RNGTT: variants seen among roughly 807,000 people sequenced by gnomAD.
The protein encoded by RNGTT is RNA guanylyltransferase and 5'-phosphatase.
Under a neutral mutation model 79.3 loss-of-function variants are expected in RNGTT, and 33 were observed. That is an observed-to-expected ratio of 0.42 (90% CI 0.32 to 0.56). The LOEUF is 0.56. Ranked by LOEUF, RNGTT falls within the 20% of genes least tolerant of loss-of-function variation. The probability of loss-of-function intolerance (pLI) is 0.17; values close to 1 mark genes in which losing one functional copy is unlikely to be tolerated. For synonymous variants in RNGTT, 222 were observed against 235.9 expected (o/e 0.94, Z 0.54); for missense variants, 497 against 739.1 (o/e 0.67, Z 3.80).
intron 4 of RNGTT, among the ~76,000 whole-genome samples, chr6:88,923,396 G>A (rs1784221970): frequency 6.6e-6 from 1 of 152,112 alleles, no homozygotes; most frequent in Non-Finnish European, 1.5e-5. Flanking sequence ...AGGATCTTGA[G>A]AAATACCACC....
intron 6 of RNGTT, among the ~76,000 whole-genome samples, chr6:88,902,891 T>C (rs1166442353): frequency 6.6e-6 from 1 of 151,832 alleles, no homozygotes; most frequent in Admixed American, 6.6e-5. Flanking sequence ...GAGACGGGGT[T>C]TCACATGTTA....
intron 4 of RNGTT, among the ~76,000 whole-genome samples, chr6:88,913,714 A>G (rs1783909172): frequency 6.6e-6 from 1 of 152,178 alleles, no homozygotes; most frequent in African/African-American, 2.4e-5. Context: ...ACCTCAAAAT[A>G]ATAAGAACCA....
chr6:88,817,087 A>G (rs1780335933), intron 11 of RNGTT, among the ~76,000 whole-genome samples: 1 of 152,148 alleles, frequency 6.6e-6, no homozygotes, highest in African/African-American at 2.4e-5. Flanking sequence ...CTGAAGAACA[A>G]CGGTGGCACC....
chr6:88,779,096 A>G (rs367950873), intron 12 of RNGTT, among the ~76,000 whole-genome samples: 5 of 113,530 alleles, frequency 4.4e-5, no homozygotes, highest in African/African-American at 1.6e-4. Context: ...ATTTGACAGA[A>G]AAGTCACAGG....
chr6:88,666,741 G>A (rs777496356), intron 14 of RNGTT, among the ~76,000 whole-genome samples: 2 of 152,210 alleles, frequency 1.3e-5, no homozygotes, highest in Non-Finnish European at 2.9e-5. Flanking sequence ...CACAGAGAGA[G>A]ATGTCCGCTG....
rs1407364551 is a variant in RNGTT, at chr6:88,616,468, GCAAGGGTTC to G, written c.1507-2082_1507-2074del. On this transcript the variant is annotated intron_variant, in intron 14 of 15. Transcript: ENST00000369485. ...CAATTTACATTCTCACTAACAGTAT[GCAAGGGTTC>G]CAATGTCACATCCTTAACACCTGTT... 4.6e-5 allele frequency among the ~76,000 whole-genome samples: 7 copies of G among 152,058 alleles called. No homozygotes were observed. The East Asian group carries it at 1.2e-3, about 25-fold the overall frequency.
At chr6:88,958,971 C>T (rs1168266391) in intron 1 of RNGTT, among the ~76,000 whole-genome samples, 1 of 152,108 alleles carries the variant, frequency 6.6e-6, no homozygotes, top group Non-Finnish European at 1.5e-5. Flanking sequence ...GCCCAAGAAC[C>T]AATGAGTGGA....
At chr6:88,907,044 T>C (rs887381869) in intron 4 of RNGTT, among the ~76,000 whole-genome samples, 4 of 152,232 alleles carry the variant, frequency 2.6e-5, no homozygotes, top group African/African-American at 7.2e-5. Context: ...TTAAGTTACC[T>C]TGAAGCTCTC....
chr6:88,663,125 T>C (rs914774212), intron 14 of RNGTT, among the ~76,000 whole-genome samples: 1 of 152,208 alleles, frequency 6.6e-6, no homozygotes, highest in African/African-American at 2.4e-5. Context: ...GAGTGACCTT[T>C]TGCCCCTTTT....
At chr6:88,867,960 C>T (rs1782228080) in intron 8 of RNGTT, among the ~76,000 whole-genome samples, 1 of 152,108 alleles carries the variant, frequency 6.6e-6, no homozygotes, top group Non-Finnish European at 1.5e-5. Context: ...TTTCCTGTGC[C>T]TCCGGCTGGG....
At chr6:88,742,382 C>T (rs1044863060) in intron 13 of RNGTT, among the ~76,000 whole-genome samples, 3 of 152,122 alleles carry the variant, frequency 2.0e-5, no homozygotes, top group African/African-American at 7.2e-5. Context: ...TTTTAAAAGA[C>T]CTAAAACAAC....
chr6:88,698,597 AT>A (rs1775838689), intron 13 of RNGTT, among the ~76,000 whole-genome samples: 1 of 151,826 alleles, frequency 6.6e-6, no homozygotes, highest in South Asian at 2.1e-4. Flanking sequence ...AGCTATTACA[AT>A]TTATTTTATC....
chr6:88,866,604 T>C (rs1348147203), intron 8 of RNGTT, among the ~76,000 whole-genome samples: 1 of 152,204 alleles, frequency 6.6e-6, no homozygotes, highest in Non-Finnish European at 1.5e-5. Context: ...TAAACCTGTT[T>C]CCTGATCATC....
chr6:88,739,606 C>T (rs1250808495), intron 13 of RNGTT, among the ~76,000 whole-genome samples: 1 of 151,368 alleles, frequency 6.6e-6, no homozygotes, highest in African/African-American at 2.4e-5. Flanking sequence ...AATATCTCAT[C>T]ACATACAGAA....
At chr6:88,729,819 T>C (rs1777048256) in intron 13 of RNGTT, among the ~76,000 whole-genome samples, 1 of 152,186 alleles carries the variant, frequency 6.6e-6, no homozygotes, top group Non-Finnish European at 1.5e-5. Context: ...GACTGCTCTG[T>C]CCAATGAGTT....
intron 8 of RNGTT, among the ~76,000 whole-genome samples, chr6:88,877,130 C>G (rs1782543529): frequency 6.6e-6 from 1 of 152,130 alleles, no homozygotes; most frequent in South Asian, 2.1e-4. Flanking sequence ...TCTTCTTGTG[C>G]AATAACTATA....
chr6:88,749,330 G>A (rs1311161793), intron 13 of RNGTT, among the ~76,000 whole-genome samples: 1 of 151,976 alleles, frequency 6.6e-6, no homozygotes, highest in Non-Finnish European at 1.5e-5. Flanking sequence ...AAATACAAAC[G>A]TAACTTGGAA....
At chr6:88,771,806 T>C (rs560084886) in intron 12 of RNGTT, among the ~76,000 whole-genome samples, 1 of 152,202 alleles carries the variant, frequency 6.6e-6, no homozygotes, top group African/African-American at 2.4e-5. Context: ...GGTGAAATTA[T>C]CAACGCAAAA....
At chr6:88,944,115 T>G (rs967132955) in intron 1 of RNGTT, among the ~76,000 whole-genome samples, 6 of 151,502 alleles carry the variant, frequency 4.0e-5, no homozygotes, top group Admixed American at 6.6e-5. Flanking sequence ...TAGACTTCAC[T>G]GAAAAGAAAA....
Sources: allele counts gnomAD v4.1 joint callset (sites outside exome capture counted in the v4.1 genomes callset), GRCh38; gene constraint gnomAD v4.1.1; transcripts MANE v1.5; gene names NCBI Gene and HGNC (gene_info 2026-07-23, HGNC 2026-07-21).